The following KDM7A variants were observed in gnomAD, a reference collection of about 807,000 sequenced individuals.
The protein encoded by KDM7A is lysine-specific demethylase 7A.
Under a neutral mutation model 114.8 loss-of-function variants are expected in KDM7A, and 28 were observed. The ratio of observed to expected loss-of-function variants is 0.24; its 90% CI spans 0.18 to 0.33. The LOEUF (loss-of-function observed/expected upper bound fraction) is 0.33. Among genes scored for constraint, KDM7A ranks in the 10% least tolerant of loss-of-function variants. KDM7A has a pLI of 1.00. For synonymous variants in KDM7A, 423 were observed against 397.8 expected (o/e 1.06, Z -0.75); for missense variants, 942 against 1,142.5 (o/e 0.82, Z 2.53).
rs1487515253 is a variant in KDM7A at position 140,176,910 on chromosome 7, C to G, written c.28G>C (p.Ala10Pro). ...GCGGCGGCTCCAGCTGCTGCTCCCG[C>G]GGCCACCGCCGCCGCCGCTCCGGCC... Reference protein sequence around the residue: MAGAAAAVAAGAAAGAAAAA... With the variant: MAGAAAAVAPGAAAGAAAAA... The change falls in exon 1 of 20, where the codon GCG (alanine) becomes CCG (proline). Residue 10 changes from alanine to proline, a missense_variant. Physicochemically the swap from Ala to Pro is conservative, Grantham distance 27. Around this residue, in one of 4 missense-constraint regions of KDM7A, gnomAD observed 112 missense variants for 96.2 expected, o/e 1.16. Transcript: ENST00000397560. The surrounding 1 kb of genome is among the most constrained non-coding windows in gnomAD (Gnocchi z 4.4). 8.5e-7 allele frequency: 1 copy of G among 1,169,822 alleles called. No individual in the cohort carries two copies. Among genetic ancestry groups the G allele is most frequent in the East Asian group, 4.3e-5 (1 of 23,136 alleles). The allele number at this position is 1,169,822 out of a possible 1,614,324, so 72.5% of individuals were successfully genotyped here.
intron 8 of KDM7A, among the ~76,000 whole-genome samples, 179 bp downstream of exon 8, chr7:140,120,263 C>T (rs62491410): frequency 0.07 from 10,628 of 152,148 alleles, 423 homozygotes; most frequent in Non-Finnish European, 0.09. Context: ...TGCAAATTAT[C>T]CTCCTGGCAA....
In KDM7A at chr7:140,085,507, T is replaced by C. The variant is rs1005872549; in HGVS notation, c.*5587A>G. ...ACCTTTTCACCCTCTTTCCACAGCA[T>C]GAAACTGTTATGGCTTAATTTATAT... On this transcript the variant is annotated 3_prime_UTR_variant, in exon 20 of 20. Transcript: ENST00000397560. The C allele has an allele frequency of 2.0e-5, 3 of 152,228 alleles. No individual in the cohort carries two copies. The highest frequency in any genetic ancestry group is 7.2e-5 in the African/African-American group (3 of 41,456). The allele number at this position is 152,228 out of a possible 1,614,324, so 9.4% of individuals were successfully genotyped here.
At chr7:140,098,651 C>A (rs1818154330) in intron 14 of KDM7A, among the ~76,000 whole-genome samples, 1 of 152,160 alleles carries the variant, frequency 6.6e-6, no homozygotes, top group African/African-American at 2.4e-5. Context: ...CAGCTCTAAC[C>A]CACAAACATC....
rs552585851 is a variant in KDM7A, at chr7:140,086,412, G to C, written c.*4682C>G. ...TTAAAATGAGGAAAAAAATACTATA[G>C]AAGAATAAAATCACAGTCACAACAA... On this transcript the variant is annotated 3_prime_UTR_variant, in exon 20 of 20. Coordinates refer to ENST00000397560, the MANE Select transcript of KDM7A (RefSeq NM_030647.2). The C allele has an allele frequency of 1.3e-5, 2 of 152,166 alleles. No individual in the cohort carries two copies. Among genetic ancestry groups the C allele is most frequent in the East Asian group, 1.9e-4 (1 of 5,186 alleles). The allele number at this position is 152,166 out of a possible 1,614,324, so 9.4% of individuals were successfully genotyped here. A position where few individuals can be genotyped will look rare whatever the true frequency, so the allele number is the denominator to read the frequency against.
intron 7 of KDM7A, among the ~76,000 whole-genome samples, chr7:140,122,130 T>C (rs56044124): frequency 0.029 from 4,361 of 152,306 alleles, 109 homozygotes; most frequent in Non-Finnish European, 0.044. Flanking sequence ...TATCAGTACC[T>C]ACACCAGTGC....
At chr7:140,100,681 CATAT>C (rs1318217688) in intron 12 of KDM7A, among the ~76,000 whole-genome samples, 3 of 44,346 alleles carry the variant, frequency 6.8e-5, no homozygotes, top group East Asian at 6.0e-4. Flanking sequence ...TATATATATA[CATAT>C]ATACATATAT....
At position 140,176,289 on chromosome 7, in the gene KDM7A, C is replaced by G. The variant is rs1025123196; in HGVS notation, c.194+455G>C. 6.7e-6 allele frequency among the ~76,000 whole-genome samples: 1 copy of G among 148,386 alleles called. No individual in the cohort carries two copies. The highest frequency in any genetic ancestry group is 1.5e-5 in the Non-Finnish European group (1 of 66,970). ...CATCGCCGCCCGGAAGGAAGGCAGG[C>G]GCGTCGGCCGGCCGGGCAGAGCGGC... On this transcript the variant is annotated intron_variant, in intron 1 of 19. Coordinates refer to ENST00000397560, the MANE Select transcript of KDM7A (RefSeq NM_030647.2). This position sits in a 1 kb window ranked among gnomAD's most constrained non-coding sequence, Gnocchi z 4.4.
rs752951017 is a variant in KDM7A, at chr7:140,096,717, T to C, written c.2212A>G (p.Met738Val). The C allele has an allele frequency of 1.9e-6, 3 of 1,614,234 alleles. No homozygotes were observed. The highest frequency in any genetic ancestry group is 2.5e-6 in the Non-Finnish European group (3 of 1,180,036). The change falls in exon 17 of 20, where the codon ATG becomes GTG. Residue 738 changes from methionine to valine, a missense_variant. Met to Val is a conservative substitution (Grantham distance 21). Coordinates refer to ENST00000397560, the MANE Select transcript of KDM7A (RefSeq NM_030647.2). ...TAGTGCAACCCTGCCATAGACAGCA[T>C]GCCCTGAATAGCTTCTTCCTCTGTG... ...TSTEEEAIQG[M>V]LSMAGLHYST...
In KDM7A at chr7:140,113,516, G is replaced by A. The variant is rs1449820687; in HGVS notation, c.1313C>T (p.Ala438Val). 3.8e-6 allele frequency: 6 copies of A among 1,595,040 alleles called. No individual in the cohort carries two copies. The stretch of plus-strand genomic sequence containing the variant: ...TTCTTTTTTCATCCATAATTTTAAA[G>A]CAGTATGCAGTGCTTTCACTCCCTG... ...LVQGVKALHT[A>V]LKLWMKKELV... Residue 438 changes from alanine to valine, a missense_variant, in exon 10 of 20, where the codon GCT (alanine) becomes GTT (valine). Transcript: ENST00000397560.
At chr7:140,102,822 C>G (rs1488984204) in intron 11 of KDM7A, among the ~76,000 whole-genome samples, 3 of 152,180 alleles carry the variant, frequency 2.0e-5, no homozygotes, top group Non-Finnish European at 4.4e-5. Flanking sequence ...TTAAGAATTA[C>G]TTTTTAAACT....
chr7:140,106,117 T>C (rs912783403), intron 11 of KDM7A, among the ~76,000 whole-genome samples: 1 of 152,244 alleles, frequency 6.6e-6, no homozygotes, highest in African/African-American at 2.4e-5. Context: ...TTTGTATTTC[T>C]GTGGGATCGG....
intron 2 of KDM7A, among the ~76,000 whole-genome samples, chr7:140,137,449 A>AGTTT (rs1818890104): frequency 6.6e-6 from 1 of 152,236 alleles, no homozygotes; most frequent in African/African-American, 2.4e-5. Flanking sequence ...TTCTAAACTA[A>AGTTT]AACTGCTATA....
At chr7:140,105,309 G>T (rs1314315946) in intron 11 of KDM7A, among the ~76,000 whole-genome samples, 2 of 152,174 alleles carry the variant, frequency 1.3e-5, no homozygotes, top group African/African-American at 2.4e-5. Context: ...GCCCTGGCCA[G>T]AACTTCCAAC....
chr7:140,153,444 C>A (rs1794423444), intron 1 of KDM7A, among the ~76,000 whole-genome samples: 1 of 151,594 alleles, frequency 6.6e-6, no homozygotes, highest in African/African-American at 2.4e-5. Context: ...CGAGATCACG[C>A]CAGTGCACTC....
intron 1 of KDM7A, among the ~76,000 whole-genome samples, chr7:140,151,864 C>T (rs1053083459): frequency 6.6e-6 from 1 of 152,124 alleles, no homozygotes; most frequent in Non-Finnish European, 1.5e-5. Flanking sequence ...ATTGCAAGTA[C>T]AGAAGGGAAA....
At chr7:140,135,984 T>C (rs1818864365) in intron 2 of KDM7A, among the ~76,000 whole-genome samples, 1 of 151,910 alleles carries the variant, frequency 6.6e-6, no homozygotes, top group Non-Finnish European at 1.5e-5. Context: ...TTTTAAGACA[T>C]GGTCTCCCTC....
intron 1 of KDM7A, among the ~76,000 whole-genome samples, chr7:140,161,849 TTAAAG>T (rs1313660938): frequency 3.3e-5 from 5 of 152,230 alleles, no homozygotes; most frequent in East Asian, 1.9e-4. Flanking sequence ...TTTATTAATA[TTAAAG>T]TATTCAAGGG....
intron 1 of KDM7A, among the ~76,000 whole-genome samples, chr7:140,143,310 G>C (rs1488651541): frequency 6.6e-6 from 1 of 152,052 alleles, no homozygotes; most frequent in Non-Finnish European, 1.5e-5. Flanking sequence ...ACAAGGAAGA[G>C]ATGGATCTTG....
intron 1 of KDM7A, among the ~76,000 whole-genome samples, chr7:140,161,669 C>G (rs542545424): frequency 6.6e-6 from 1 of 151,892 alleles, no homozygotes; most frequent in South Asian, 2.1e-4. Flanking sequence ...CTCAGCCTCC[C>G]GAGCAGCTGG....
Sources: allele counts gnomAD v4.1 joint callset (sites outside exome capture counted in the v4.1 genomes callset), GRCh38; gene constraint gnomAD v4.1.1; regional missense constraint gnomAD v4.1.1; non-coding constraint Gnocchi (gnomAD v3.1); transcripts MANE v1.5; gene names NCBI Gene and HGNC (gene_info 2026-07-23, HGNC 2026-07-21).